Variants in TNIP3 observed in about 807,000 individuals in gnomAD.
The protein encoded by TNIP3 is TNFAIP3 interacting protein 3, also known as TNFAIP3-interacting protein 3.
A neutral mutation model predicts 54.1 loss-of-function variants in TNIP3; 34 were observed. The observed-to-expected ratio is 0.63, with a 90% CI of 0.48 to 0.84. The LOEUF is 0.84. TNIP3 is among the 40% of genes least tolerant of loss of function. The probability of loss-of-function intolerance (pLI) is 0.00; values close to 1 mark genes in which losing one functional copy is unlikely to be tolerated. For missense variants in TNIP3, 366 were observed against 387.6 expected (o/e 0.94, Z 0.47); for synonymous variants, 134 against 136.8 (o/e 0.98, Z 0.14).
intron 5 of TNIP3, among the ~76,000 whole-genome samples, 164 bp from the exon 6 acceptor site, chr4:121,150,383 G>GT (rs1729675564): frequency 6.6e-6 from 1 of 151,352 alleles, no homozygotes; most frequent in Admixed American, 6.6e-5. Flanking sequence ...TCTCATATAT[G>GT]TATTTTTTTT....
At chr4:121,134,823 T>A (rs756308632) in intron 10 of TNIP3, among the ~76,000 whole-genome samples, 3 of 152,130 alleles carry the variant, frequency 2.0e-5, no homozygotes, top group Non-Finnish European at 2.9e-5. Flanking sequence ...GCCACACCCT[T>A]CCTCACAGTG....
At chr4:121,134,193 A>G in intron 10 of TNIP3, among the ~76,000 whole-genome samples, 1 of 152,196 alleles carries the variant, frequency 6.6e-6, no homozygotes, top group Non-Finnish European at 1.5e-5. Flanking sequence ...CCTACATTTT[A>G]TGCCTTTCTA....
At chr4:121,181,060 C>T (rs192123981) in intron 3 of TNIP3, among the ~76,000 whole-genome samples, 49 of 152,228 alleles carry the variant, frequency 3.2e-4, no homozygotes, top group Non-Finnish European at 1.0e-4. Flanking sequence ...GAGAGAGAGA[C>T]ATAAATTTCA....
At chr4:121,227,299 T>C in intron 1 of TNIP3, 5 of 1,194,212 alleles carry the variant, frequency 4.2e-6, no homozygotes, top group East Asian at 2.6e-5. Flanking sequence ...GAGAACTTTA[T>C]GCATTTTAAA....
chr4:121,136,773 T>G (rs1466501104), intron 10 of TNIP3: 2 of 150,868 alleles, frequency 1.3e-5, no homozygotes, highest in African/African-American at 2.4e-5. Flanking sequence ...GATGATTTCT[T>G]GAGCCCAGGA....
In TNIP3 at chr4:121,154,590, T is replaced by G. The variant is rs1367011574; in HGVS notation, c.453A>C (p.Glu151Asp). 1 of 1,613,992 alleles carries G rather than the reference T, an allele frequency of 6.2e-7. No individual in the cohort carries two copies. The highest frequency in any genetic ancestry group is 1.7e-5 in the Admixed American group (1 of 60,000). Residue 151 changes from glutamate to aspartate, a missense_variant, in exon 5 of 11, where the codon GAA (glutamate) becomes GAC (aspartate). Coordinates refer to ENST00000057513, the MANE Select transcript of TNIP3 (RefSeq NM_024873.6). The stretch of plus-strand genomic sequence containing the variant: ...TTATTTCACATTCGTAATGTTCCTT[T>G]TCCTTGTTCGCAAGAGTATTTTTTC... Reference protein sequence around the residue: ...LKGKNTLANKEKEHYECEIKR... With the variant: ...LKGKNTLANKDKEHYECEIKR...
chr4:121,203,526 C>T (rs574267162), intron 2 of TNIP3, among the ~76,000 whole-genome samples: 4 of 151,966 alleles, frequency 2.6e-5, no homozygotes, highest in African/African-American at 9.7e-5. Flanking sequence ...GTACACTTTC[C>T]GGGTGATAGT....
intron 5 of TNIP3, 196 bp downstream of exon 5, chr4:121,154,355 A>T: frequency 1.7e-6 from 1 of 603,948 alleles, no homozygotes; most frequent in Middle Eastern, 3.1e-4. Flanking sequence ...AGGGACAAAA[A>T]TTCTCTAAAG....
At chr4:121,169,783 T>A (rs779621172) in intron 3 of TNIP3, among the ~76,000 whole-genome samples, 1 of 152,234 alleles carries the variant, frequency 6.6e-6, no homozygotes, top group Non-Finnish European at 1.5e-5. Flanking sequence ...AATCGGGGAA[T>A]GGGGTGTCAC....
At chr4:121,172,186 G>T (rs1044549052) in intron 3 of TNIP3, among the ~76,000 whole-genome samples, 1 of 152,194 alleles carries the variant, frequency 6.6e-6, no homozygotes, top group African/African-American at 2.4e-5. Flanking sequence ...CATGGTACAC[G>T]GCTGTGACAT....
In TNIP3 at chr4:121,147,157, T is replaced by A; in HGVS notation, c.627A>T (p.Glu209Asp). ...GATCCGATCGTTCCTTTTTGAAGTC[T>A]TCTTCGTATATTTGCACCTAAGAAA... ...VLKQQVQIYEEDFKKERSDRE... is the reference protein window; with the variant it reads ...VLKQQVQIYEDDFKKERSDRE... Residue 209 changes from glutamate to aspartate, a missense_variant, in exon 7 of 11, where the codon GAA becomes GAT. Transcript: ENST00000057513. 1 of 1,611,328 alleles carries A rather than the reference T, an allele frequency of 6.2e-7. No homozygotes were observed. Among genetic ancestry groups the A allele is most frequent in the South Asian group, 1.1e-5 (1 of 90,314 alleles).
intron 2 of TNIP3, among the ~76,000 whole-genome samples, chr4:121,208,883 C>A (rs138326085): frequency 6.6e-6 from 1 of 152,138 alleles, no homozygotes; most frequent in Non-Finnish European, 1.5e-5. Flanking sequence ...TGGAGAGCTT[C>A]AGGGTGGGGC....
chr4:121,197,389 G>A (rs543178902), intron 2 of TNIP3, among the ~76,000 whole-genome samples: 4 of 152,074 alleles, frequency 2.6e-5, no homozygotes, highest in South Asian at 2.1e-4. Flanking sequence ...TTAGCTGGGC[G>A]TGGTGGCGGG....
In TNIP3 at chr4:121,161,163, T is replaced by A. The variant is rs1483745285; in HGVS notation, c.120A>T (p.Ile40=). 1.3e-6 allele frequency: 2 copies of A among 1,587,570 alleles called. No individual in the cohort carries two copies. Among genetic ancestry groups the A allele is most frequent in the South Asian group, 2.3e-5 (2 of 88,238 alleles). The change falls in exon 2 of 11, where the codon ATA becomes ATT. Residue 40 remains isoleucine (I), a synonymous_variant. Coordinates refer to ENST00000057513, the MANE Select transcript of TNIP3 (RefSeq NM_024873.6). ...CTTTTCTTTGTTTTTCCAAACACCT[T>A]ATCTTTTGTTCAAGAGAATTCATCA... ...KNLMNSLEQK[I]RCLEKQRKEL... is the part of the protein sequence containing the mutation.
At chr4:121,157,556 T>G (rs868323156) in intron 3 of TNIP3, among the ~76,000 whole-genome samples, 2 of 152,166 alleles carry the variant, frequency 1.3e-5, no homozygotes, top group African/African-American at 4.8e-5. Context: ...TGTCATTCTA[T>G]TCTCAACTCT....
chr4:121,209,446 G>A (rs1480606691), intron 2 of TNIP3, among the ~76,000 whole-genome samples: 1 of 152,136 alleles, frequency 6.6e-6, no homozygotes, highest in Admixed American at 6.6e-5. Flanking sequence ...ACACCAAATT[G>A]AATTATTGGA....
At chr4:121,139,663 A>G (rs1450016948) in intron 9 of TNIP3, among the ~76,000 whole-genome samples, 1 of 152,256 alleles carries the variant, frequency 6.6e-6, no homozygotes, top group African/African-American at 2.4e-5. Flanking sequence ...ACTCAATAAG[A>G]CACTGAGAAA....
chr4:121,183,253 A>C (rs1202100910), intron 2 of TNIP3, among the ~76,000 whole-genome samples: 1 of 152,214 alleles, frequency 6.6e-6, no homozygotes, highest in Non-Finnish European at 1.5e-5. Flanking sequence ...AGACCTGTAG[A>C]ATTCTACAGT....
intron 5 of TNIP3, among the ~76,000 whole-genome samples, chr4:121,151,681 C>T (rs1326535894): frequency 6.6e-6 from 1 of 151,890 alleles, no homozygotes; most frequent in African/African-American, 2.4e-5. Context: ...ATGCTGGTTC[C>T]TTATCCTACA....
Sources: gnomAD v4.1 joint callset for allele counts (sites outside exome capture counted in the v4.1 genomes callset) on GRCh38, gnomAD v4.1.1 for gene constraint, MANE v1.5 for transcripts, NCBI Gene and HGNC (gene_info 2026-07-23, HGNC 2026-07-21) for gene names.